The following PIN4 variants were observed in gnomAD, a reference collection of about 807,000 sequenced individuals.
PIN4 encodes peptidylprolyl cis/trans isomerase, NIMA-interacting 4.
PIN4 carries 3 observed loss-of-function variants against 8.3 expected under a neutral mutation model. That is an observed-to-expected ratio of 0.36 (90% CI 0.16 to 0.93). The LOEUF is 0.93. PIN4 is among the 40% of genes least tolerant of loss of function. The probability of loss-of-function intolerance (pLI) is 0.44; values close to 1 mark genes in which losing one functional copy is unlikely to be tolerated. For missense variants in PIN4, 75 were observed against 100.6 expected (o/e 0.75, Z 1.09); for synonymous variants, 18 against 32.5 (o/e 0.55, Z 1.52).
chrX:72,196,907 A>T lies in PIN4; in HGVS notation c.237+3A>T, dbSNP rs1482038738. The T allele has an allele frequency of 5.1e-6, 6 of 1,168,012 alleles. No homozygotes were observed. The South Asian group carries it at 1.0e-4, about 20-fold the overall frequency. On this transcript the variant is annotated splice_donor_region_variant and intron_variant, in intron 3 of 3. Coordinates refer to ENST00000373669, the MANE Select transcript of PIN4 (RefSeq NM_006223.4). ...GTGAAGATAAAGCCAGGCAAGGGGTATGTTGCTCTTATTATTTATAATTTT... is the reference window on the plus strand; with the variant it reads ...GTGAAGATAAAGCCAGGCAAGGGGTTTGTTGCTCTTATTATTTATAATTTT...
intron 3 of PIN4, among the ~76,000 whole-genome samples, chrX:72,248,105 C>T (rs776889610): frequency 1.5e-4 from 16 of 109,776 alleles, no homozygotes; most frequent in African/African-American, 4.9e-4. Flanking sequence ...GGTTAATTGC[C>T]TTGCACGAGG....
chrX:72,258,301 A>G (rs2043121875), intron 3 of PIN4, among the ~76,000 whole-genome samples: 2 of 111,862 alleles, frequency 1.8e-5, no homozygotes, highest in African/African-American at 3.3e-5. Flanking sequence ...GGTCATAACT[A>G]TGGCACACAA....
intron 2 of PIN4, among the ~76,000 whole-genome samples, chrX:72,191,375 A>C (rs1003648319): frequency 9.1e-6 from 1 of 110,339 alleles, no homozygotes; most frequent in Non-Finnish European, 1.9e-5. Context: ...ACATGGTGAC[A>C]CCTTGTCTCT....
At chrX:72,254,160 C>T (rs892785439) in intron 3 of PIN4, among the ~76,000 whole-genome samples, 1 of 111,559 alleles carries the variant, frequency 9.0e-6, no homozygotes, top group Non-Finnish European at 1.9e-5. Flanking sequence ...TGTGTGATTT[C>T]CAAATCTCAC....
chrX:72,205,322 C>G, intron 3 of PIN4: 2 of 1,211,990 alleles, frequency 1.7e-6, no homozygotes, highest in South Asian at 3.5e-5. Context: ...GACAGTGTTT[C>G]TCCGGAAGGA....
intron 3 of PIN4, among the ~76,000 whole-genome samples, chrX:72,243,899 A>G (rs918591152): frequency 9.8e-5 from 11 of 112,434 alleles, no homozygotes; most frequent in Non-Finnish European, 1.9e-5. Context: ...GAGGCACAGA[A>G]AGATTGAATA....
chrX:72,189,480 T>C (rs1366704952), intron 2 of PIN4, among the ~76,000 whole-genome samples: 3 of 112,258 alleles, frequency 2.7e-5, no homozygotes, highest in Admixed American at 1.9e-4. Context: ...GGATTGGTTT[T>C]ATTCACCCAG....
chrX:72,232,984 C>G (rs2984350), intron 3 of PIN4, among the ~76,000 whole-genome samples: 46,354 of 109,387 alleles, frequency 0.42, 8,914 homozygotes, highest in East Asian at 0.98. Flanking sequence ...TGGTTGAAAG[C>G]CTGATGGGTT....
In PIN4 at chrX:72,195,513, G is replaced by A. The variant is rs779623413; in HGVS notation, c.118-1272G>A. 1.0e-4 allele frequency among the ~76,000 whole-genome samples: 11 copies of A among 110,544 alleles called. No homozygotes were observed. In the East Asian group the frequency reaches 1.2e-3, roughly 12 times the overall value. ...AAAAGTTAGCTGGGCGTGGTGGTGC[G>A]CACCTATAGTCCCAGCTACTTGGGA... On this transcript the variant is annotated intron_variant, in intron 2 of 3. Transcript: ENST00000373669.
chrX:72,183,990 C>T (rs2042686234), intron 1 of PIN4, among the ~76,000 whole-genome samples: 1 of 112,037 alleles, frequency 8.9e-6, no homozygotes, highest in Non-Finnish European at 1.9e-5. Flanking sequence ...AAAGAAGTGC[C>T]TTCAGGGCTA....
chrX:72,207,745 G>A, intron 3 of PIN4: 1 of 1,211,268 alleles, frequency 8.3e-7, no homozygotes, highest in Non-Finnish European at 1.1e-6. Flanking sequence ...TCTGGCCTCT[G>A]GGTTGCTTGA....
At chrX:72,248,012 G>A (rs2043073172) in intron 3 of PIN4, among the ~76,000 whole-genome samples, 1 of 111,054 alleles carries the variant, frequency 9.0e-6, no homozygotes, top group Non-Finnish European at 1.9e-5. Context: ...CATCCTTTGT[G>A]AGCAGCTAAT....
At chrX:72,188,718 C>CT (rs2042716475) in intron 2 of PIN4, among the ~76,000 whole-genome samples, 1 of 110,814 alleles carries the variant, frequency 9.0e-6, no homozygotes, top group Admixed American at 9.6e-5. Flanking sequence ...GAGATGGAGT[C>CT]TCGCTATGTT....
At chrX:72,204,874 C>T (rs998587046) in intron 3 of PIN4, 6 of 422,689 alleles carry the variant, frequency 1.4e-5, no homozygotes, top group African/African-American at 1.0e-4. Flanking sequence ...GAGTGGGGGG[C>T]GTTGCAGGGC....
chrX:72,197,039 A>G (rs1263704726), intron 3 of PIN4, 135 bp downstream of exon 3: 5 of 598,948 alleles, frequency 8.3e-6, no homozygotes, highest in Non-Finnish European at 1.2e-5. Flanking sequence ...CCTTTGTTCA[A>G]CCATTGGTTG....
chrX:72,252,996 G>A (rs1163361916), intron 3 of PIN4, among the ~76,000 whole-genome samples: 1 of 110,951 alleles, frequency 9.0e-6, no homozygotes, highest in Non-Finnish European at 1.9e-5. Flanking sequence ...CCTATATCAA[G>A]TCCCCCTCGA....
chrX:72,262,057 C>A (rs945452333), intron 3 of PIN4, among the ~76,000 whole-genome samples: 1 of 111,381 alleles, frequency 9.0e-6, no homozygotes, highest in Non-Finnish European at 1.9e-5. Context: ...GACCCTCCCC[C>A]CAAGACCTGT....
In PIN4 at chrX:72,252,562, G is replaced by C. The variant is rs764724417; in HGVS notation, c.313-10145G>C. On this transcript the variant is annotated intron_variant, in intron 3 of 3. Transcript: ENST00000423432. The stretch of plus-strand genomic sequence containing the variant: ...GCGCCACCACACTCAGTTAATTTTT[G>C]TATTTTTAGTAGAGACAGGGTTTCA... Among the ~76,000 whole-genome samples, 17 of 110,739 alleles carry C rather than the reference G, an allele frequency of 1.5e-4. No homozygotes were observed. In the South Asian group the frequency reaches 6.5e-3, roughly 42 times the overall value.
intron 3 of PIN4, among the ~76,000 whole-genome samples, chrX:72,259,248 C>T (rs1013389610): frequency 1.8e-4 from 16 of 91,375 alleles, no homozygotes; most frequent in Non-Finnish European, 3.0e-4. Context: ...GACGGAGTTT[C>T]GCTCTTGTTG....
Sources: allele counts gnomAD v4.1 joint callset (sites outside exome capture counted in the v4.1 genomes callset), GRCh38; gene constraint gnomAD v4.1.1; transcripts MANE v1.5; gene names NCBI Gene and HGNC (gene_info 2026-07-23, HGNC 2026-07-21).